Variants in SAFB2 observed in about 807,000 individuals in gnomAD.
The protein encoded by SAFB2 is scaffold attachment factor B2.
SAFB2 carries 32 observed loss-of-function variants against 100.6 expected under a neutral mutation model. That is an observed-to-expected ratio of 0.32 (90% CI 0.24 to 0.43). The LOEUF is 0.43. SAFB2 is among the 20% of genes least tolerant of loss of function. The probability of loss-of-function intolerance (pLI) is 1.00; values close to 1 mark genes in which losing one functional copy is unlikely to be tolerated. For synonymous variants in SAFB2, 500 were observed against 439.4 expected (o/e 1.14, Z -1.72); for missense variants, 1,185 against 1,163.4 (o/e 1.02, Z -0.27).
chr19:5,622,082 G>C (rs1035178670), intron 1 of SAFB2, among the ~76,000 whole-genome samples: 1 of 152,216 alleles, frequency 6.6e-6, no homozygotes, highest in Non-Finnish European at 1.5e-5. Flanking sequence ...GGGGGACCCG[G>C]GTGGACAGCT....
At chr19:5,622,186 A>G (rs1333296066) in intron 1 of SAFB2, among the ~76,000 whole-genome samples, 1 of 152,182 alleles carries the variant, frequency 6.6e-6, no homozygotes, top group East Asian at 1.9e-4. Flanking sequence ...CCGGAGGAGG[A>G]AACTGAGGCA....
intron 4 of SAFB2, 199 bp from the exon 5 acceptor site, chr19:5,613,726 T>C: frequency 1.0e-6 from 1 of 985,448 alleles, no homozygotes; most frequent in Non-Finnish European, 1.2e-6. Context: ...CCAGCGTCTC[T>C]GGCAGTGGCC....
Position 5,587,689 on chromosome 19 carries a change from G to C in SAFB2, c.2705+12C>G. 1 of 1,545,092 alleles carries C rather than the reference G, an allele frequency of 6.5e-7. No homozygotes were observed. ...GAGTGAACCACCGTCCTCCACGGAC[G>C]ACACACCTTACCCCGCCACTCCACC... On this transcript the variant is annotated intron_variant, in intron 20 of 20. Coordinates refer to ENST00000252542, the MANE Select transcript of SAFB2 (RefSeq NM_014649.3). The surrounding 1 kb of genome is among the most constrained non-coding windows in gnomAD (Gnocchi z 4.9).
chr19:5,612,910 G>A (rs556320020), intron 5 of SAFB2, among the ~76,000 whole-genome samples: 8 of 152,146 alleles, frequency 5.3e-5, no homozygotes, highest in African/African-American at 1.7e-4. Flanking sequence ...GTGGATTTAA[G>A]AAAAAAATAC....
At chr19:5,593,791 C>T (rs1433949781) in intron 15 of SAFB2, 100 bp downstream of exon 15, 2 of 1,253,928 alleles carry the variant, frequency 1.6e-6, no homozygotes, top group Non-Finnish European at 2.1e-6. Context: ...TTTCATTCTC[C>T]CCACCGACAG....
Position 5,587,523 on chromosome 19 carries a change from C to A in SAFB2, c.2706-124G>T. On this transcript the variant is annotated intron_variant, in intron 20 of 20. Transcript: ENST00000252542. The surrounding 1 kb of genome is among the most constrained non-coding windows in gnomAD (Gnocchi z 4.9). Reference sequence around the variant, plus strand: ...GGTTTTTTTTCCAGGTGAGAAAAATCATCATCGCACATTGTATTCCAGGTA... The same window carrying A: ...GGTTTTTTTTCCAGGTGAGAAAAATAATCATCGCACATTGTATTCCAGGTA... 1.4e-6 allele frequency: 2 copies of A among 1,475,146 alleles called. No homozygotes were observed. Among genetic ancestry groups the A allele is most frequent in the South Asian group, 1.4e-5 (1 of 72,660 alleles). The allele number at this position is 1,475,146 out of a possible 1,614,324, so 91.4% of individuals were successfully genotyped here. A position where few individuals can be genotyped will look rare whatever the true frequency, so the allele number is the denominator to read the frequency against.
At chr19:5,609,955 C>G (rs1473980806) in intron 9 of SAFB2, 40 bp downstream of exon 9, 1 of 1,560,484 alleles carries the variant, frequency 6.4e-7, no homozygotes, top group African/African-American at 1.4e-5. Flanking sequence ...CTTTTTAACT[C>G]TGAATCACAG....
At chr19:5,610,340 A>G (rs1007805750) in intron 8 of SAFB2, 4 of 588,900 alleles carry the variant, frequency 6.8e-6, no homozygotes, top group Non-Finnish European at 1.2e-5. Context: ...TCTTTTGATG[A>G]TCAGATCTCA....
At chr19:5,609,912 A>C in intron 9 of SAFB2, 83 bp downstream of exon 9, 1 of 1,217,282 alleles carries the variant, frequency 8.2e-7, no homozygotes. Context: ...TGCTGGGATT[A>C]TAGACGTGAA....
intron 11 of SAFB2, among the ~76,000 whole-genome samples, chr19:5,602,108 GAAAA>G (rs1054423810): frequency 7.9e-5 from 12 of 151,962 alleles, no homozygotes; most frequent in African/African-American, 2.9e-4. Flanking sequence ...TTAATTTGAA[GAAAA>G]AAATAAGGTC....
chr19:5,604,772 C>T lies in SAFB2; in HGVS notation c.1446+15G>A, dbSNP rs763834004. On this transcript the variant is annotated intron_variant, in intron 10 of 20. Transcript: ENST00000252542. ...AACTCCATTTGCGAGTTACCATAGA[C>T]GAGAACTGCCTCACCTTCTCTACGG... is the stretch of plus-strand genomic sequence containing the variant. 3.7e-5 allele frequency: 60 copies of T among 1,613,854 alleles called. No individual in the cohort carries two copies. Among genetic ancestry groups the T allele is most frequent in the Admixed American group, 2.8e-4 (17 of 60,000 alleles).
chr19:5,587,266 G>A lies in SAFB2; in HGVS notation c.2839C>T (p.Pro947Ser). 6.2e-7 allele frequency: 1 copy of A among 1,613,206 alleles called. No individual in the cohort carries two copies. The highest frequency in any genetic ancestry group is 8.5e-7 in the Non-Finnish European group (1 of 1,179,824). Residue 947 changes from proline (P) to serine (S), a missense_variant, in exon 21 of 21, where the codon CCC (proline) becomes TCC (serine). Physicochemically the swap from Pro to Ser is moderately conservative, Grantham distance 74 (BLOSUM62 -1). Around this residue, in one of 3 missense-constraint regions of SAFB2, gnomAD observed 740 missense variants for 687.1 expected, o/e 1.08. Coordinates refer to ENST00000252542, the MANE Select transcript of SAFB2 (RefSeq NM_014649.3). This position sits in a 1 kb window ranked among gnomAD's most constrained non-coding sequence, Gnocchi z 4.9. ...ACTTAGTAGCGGCGGGTGAAGTGGG[G>A]GTACGGGGGGGGATGAGGGTGTGGG... is the stretch of plus-strand genomic sequence containing the variant. ...PHPHPHPPPY[P>S]HFTRRY is the part of the protein sequence containing the mutation.
chr19:5,604,238 G>A (rs866021220), intron 11 of SAFB2, among the ~76,000 whole-genome samples: 2 of 152,106 alleles, frequency 1.3e-5, no homozygotes, highest in African/African-American at 4.8e-5. Flanking sequence ...TGGCGAAACC[G>A]CGTCTCTATA....
In SAFB2 at chr19:5,595,363, C is replaced by T. The variant is rs1159669259; in HGVS notation, c.1917G>A (p.Arg639=). The T allele has an allele frequency of 6.2e-7, 1 of 1,609,530 alleles. No homozygotes were observed. Among genetic ancestry groups the T allele is most frequent in the South Asian group, 1.1e-5 (1 of 91,056 alleles). Residue 639 remains arginine, a splice_region_variant and synonymous_variant, in exon 14 of 21, where the codon CGG becomes CGA. Transcript: ENST00000252542. ...CAGCCTCACCCAGCTCCACTCACCGCCGCCTCTCCGTTTCGCGGATCTCCC... is the reference window on the plus strand; with the variant it reads ...CAGCCTCACCCAGCTCCACTCACCGTCGCCTCTCCGTTTCGCGGATCTCCC... ...REREIRETER[R]REREQREREQ...
intron 2 of SAFB2, 87 bp downstream of exon 2, chr19:5,621,222 C>G: frequency 3.4e-6 from 3 of 882,928 alleles, no homozygotes; most frequent in Non-Finnish European, 5.7e-6. Flanking sequence ...AGAAATTCTC[C>G]CAGCCTAGAA....
chr19:5,613,150 T>C (rs1244476498), intron 5 of SAFB2, among the ~76,000 whole-genome samples: 2 of 152,194 alleles, frequency 1.3e-5, no homozygotes, highest in Admixed American at 6.5e-5. Context: ...CCAAACTTTC[T>C]GCTCCAAATT....
At chr19:5,613,331 T>C in intron 5 of SAFB2, 134 bp downstream of exon 5, 1 of 772,014 alleles carries the variant, frequency 1.3e-6, no homozygotes. Context: ...CTGTTTCTCT[T>C]CTGCTAACCT....
At position 5,587,688 on chromosome 19, in the gene SAFB2, C is replaced by T. The variant is rs1447589920; in HGVS notation, c.2705+13G>A. 1.2e-5 allele frequency: 19 copies of T among 1,545,172 alleles called. No homozygotes were observed. Among genetic ancestry groups the T allele is most frequent in the Non-Finnish European group, 1.5e-5 (17 of 1,143,982 alleles). The stretch of plus-strand genomic sequence containing the variant: ...GGAGTGAACCACCGTCCTCCACGGA[C>T]GACACACCTTACCCCGCCACTCCAC... On this transcript the variant is annotated intron_variant, in intron 20 of 20. Coordinates refer to ENST00000252542, the MANE Select transcript of SAFB2 (RefSeq NM_014649.3). The surrounding 1 kb of genome is among the most constrained non-coding windows in gnomAD (Gnocchi z 4.9).
At chr19:5,613,439 C>A (rs142593043) in intron 5 of SAFB2, 26 bp downstream of exon 5, 1 of 1,591,328 alleles carries the variant, frequency 6.3e-7, no homozygotes, top group Admixed American at 1.7e-5. Context: ...ACATTTCCAG[C>A]GATGCAGAAC....
Sources: allele counts gnomAD v4.1 joint callset (sites outside exome capture counted in the v4.1 genomes callset), GRCh38; gene constraint gnomAD v4.1.1; regional missense constraint gnomAD v4.1.1; non-coding constraint Gnocchi (gnomAD v3.1); transcripts MANE v1.5; gene names NCBI Gene and HGNC (gene_info 2026-07-23, HGNC 2026-07-21).